Variants in CLEC9A observed in about 807,000 individuals in gnomAD.
The protein encoded by CLEC9A is C-type lectin domain family 9 member A.
CLEC9A carries 24 observed loss-of-function variants against 30.0 expected under a neutral mutation model. That is an observed-to-expected ratio of 0.80 (90% CI 0.58 to 1.13). CLEC9A has a LOEUF of 1.13. Ranked by LOEUF, CLEC9A falls within the 50% of genes most tolerant of loss-of-function variation. The pLI, the probability that CLEC9A is intolerant of heterozygous loss-of-function variation, is 0.00. For missense variants in CLEC9A, 251 were observed against 280.9 expected (o/e 0.89, Z 0.76); for synonymous variants, 111 against 96.8 (o/e 1.15, Z -0.86).
chr12:10,032,244 G>C (rs947651723), intron 1 of CLEC9A, among the ~76,000 whole-genome samples: 2 of 152,150 alleles, frequency 1.3e-5, no homozygotes, highest in African/African-American at 4.8e-5. Flanking sequence ...AGCAACCATA[G>C]ACGCAGGACA....
At chr12:10,036,917 G>C (rs145468912) in intron 1 of CLEC9A, among the ~76,000 whole-genome samples, 1 of 152,114 alleles carries the variant, frequency 6.6e-6, no homozygotes, top group Non-Finnish European at 1.5e-5. Flanking sequence ...CAACAAATAC[G>C]TATTGGGTAA....
intron 4 of CLEC9A, 43 bp downstream of exon 4, chr12:10,052,821 G>GTTTTTT: frequency 2.2e-6 from 3 of 1,382,432 alleles, no homozygotes; most frequent in Non-Finnish European, 2.0e-6. Flanking sequence ...TAGAGTTCAT[G>GTTTTTT]TTTTTTTTTT....
chr12:10,035,705 T>C (rs1865738738), intron 1 of CLEC9A, among the ~76,000 whole-genome samples: 1 of 152,292 alleles, frequency 6.6e-6, no homozygotes. Flanking sequence ...AACCTCTGCC[T>C]CTTGGGCTCA....
At chr12:10,033,098 A>G (rs1276930575) in intron 1 of CLEC9A, among the ~76,000 whole-genome samples, 2 of 152,168 alleles carry the variant, frequency 1.3e-5, no homozygotes, top group African/African-American at 4.8e-5. Context: ...TCAAAAAAAA[A>G]AAAGATTATT....
chr12:10,036,246 C>T (rs914125869), intron 1 of CLEC9A, among the ~76,000 whole-genome samples: 10 of 152,188 alleles, frequency 6.6e-5, no homozygotes, highest in African/African-American at 1.4e-4. Context: ...TTTAATAAAG[C>T]TCATTCCACT....
chr12:10,037,541 C>G (rs748816223), intron 1 of CLEC9A, among the ~76,000 whole-genome samples: 10 of 152,132 alleles, frequency 6.6e-5, no homozygotes, highest in Non-Finnish European at 1.2e-4. Context: ...CGCACCCGCA[C>G]TCACTCACAC....
intron 7 of CLEC9A, 66 bp from the exon 8 acceptor site, chr12:10,064,665 CT>C (rs1866026742): frequency 1.3e-6 from 2 of 1,515,612 alleles, no homozygotes; most frequent in Non-Finnish European, 1.8e-6. Context: ...AAATGTCACA[CT>C]TTATATTTCA....
Position 10,061,163 on chromosome 12 carries a change from A to C in CLEC9A, c.209A>C (p.Glu70Ala), listed in dbSNP as rs775747445. Residue 70 changes from glutamate (E) to alanine (A), a missense_variant, in exon 6 of 9, where the codon GAA becomes GCA. By Grantham distance (107) the Glu-to-Ala change is moderately radical. Coordinates refer to ENST00000355819, the MANE Select transcript of CLEC9A (RefSeq NM_207345.4). ...TCCACCATTGCGATGCAGCAGCAAG[A>C]AAAACTCATCCAACAAGAGAGGGCA... ...QVSTIAMQQQ[E>A]KLIQQERALL... 1.6e-5 allele frequency: 25 copies of C among 1,612,870 alleles called. No individual in the cohort carries two copies. In the East Asian group the frequency reaches 4.5e-4, roughly 29 times the overall value.
intron 5 of CLEC9A, chr12:10,060,484 T>C (rs767853144): frequency 1.8e-4 from 27 of 152,328 alleles, no homozygotes; most frequent in Non-Finnish European, 2.6e-4. Context: ...ATAGCATTTA[T>C]ATGTCATTTA....
chr12:10,060,984 TAA>T, intron 5 of CLEC9A, 141 bp from the exon 6 acceptor site: 3 of 992,002 alleles, frequency 3.0e-6, no homozygotes, highest in Non-Finnish European at 4.3e-6. Context: ...TTGTACAATG[TAA>T]ATTTTAAGCA....
intron 1 of CLEC9A, among the ~76,000 whole-genome samples, chr12:10,032,247 G>T (rs1042313176): frequency 1.1e-4 from 17 of 152,112 alleles, no homozygotes; most frequent in African/African-American, 3.1e-4. Flanking sequence ...AACCATAGAC[G>T]CAGGACAAGA....
intron 5 of CLEC9A, among the ~76,000 whole-genome samples, chr12:10,058,579 G>A (rs1405127121): frequency 6.6e-6 from 1 of 152,148 alleles, no homozygotes; most frequent in Non-Finnish European, 1.5e-5. Flanking sequence ...TGCCCAGGCC[G>A]GAGTGCGGAG....
intron 7 of CLEC9A, among the ~76,000 whole-genome samples, chr12:10,063,825 C>T (rs143253620): frequency 1.5e-4 from 23 of 152,156 alleles, no homozygotes; most frequent in African/African-American, 2.7e-4. Flanking sequence ...CTGGCCAACA[C>T]GGTGAAACCC....
At chr12:10,052,322 A>T in intron 3 of CLEC9A, 1 of 192,314 alleles carries the variant, frequency 5.2e-6, no homozygotes, top group Non-Finnish European at 1.0e-5. Context: ...CCCACGCTTC[A>T]TCTCCTATAC....
At chr12:10,047,234 A>T (rs1045028163) in intron 2 of CLEC9A, among the ~76,000 whole-genome samples, 2 of 152,346 alleles carry the variant, frequency 1.3e-5, no homozygotes, top group Admixed American at 6.5e-5. Context: ...CCAAATAGGA[A>T]CTAATAATTC....
intron 1 of CLEC9A, among the ~76,000 whole-genome samples, chr12:10,039,194 C>T (rs1031855061): frequency 2.0e-5 from 3 of 152,108 alleles, no homozygotes; most frequent in South Asian, 2.1e-4. Flanking sequence ...GGATGGTTGT[C>T]GGGCTGGTGG....
chr12:10,063,131 C>G lies in CLEC9A; in HGVS notation c.396C>G (p.Ser132Arg). 1 of 1,612,400 alleles carries G rather than the reference C, an allele frequency of 6.2e-7. No individual in the cohort carries two copies. The highest frequency in any genetic ancestry group is 8.5e-7 in the Non-Finnish European group (1 of 1,179,340). ...ESCYYVSEIW[S>R]IWHTSQENCL... ...GTTACTATGTCTCTGAAATTTGGAG[C>G]ATTTGGCACACCAGTCAAGAGAATT... The change falls in exon 7 of 9, where the codon AGC (serine) becomes AGG (arginine). Residue 132 changes from serine to arginine, a missense_variant. Transcript: ENST00000355819.
At chr12:10,050,026 T>C (rs1043830005) in intron 2 of CLEC9A, among the ~76,000 whole-genome samples, 3 of 152,244 alleles carry the variant, frequency 2.0e-5, no homozygotes, top group Non-Finnish European at 2.9e-5. Flanking sequence ...CTTTGTAGCA[T>C]TATTAATTGA....
chr12:10,038,601 T>C (rs925595776), intron 1 of CLEC9A, among the ~76,000 whole-genome samples: 3 of 152,138 alleles, frequency 2.0e-5, no homozygotes, highest in Admixed American at 2.0e-4. Context: ...CATGGGGGTT[T>C]AACAACAACA....
Sources: allele counts gnomAD v4.1 joint callset (sites outside exome capture counted in the v4.1 genomes callset), GRCh38; gene constraint gnomAD v4.1.1; transcripts MANE v1.5; gene names NCBI Gene and HGNC (gene_info 2026-07-23, HGNC 2026-07-21).